The following CDK19 variants were observed in gnomAD, a reference collection of about 807,000 sequenced individuals.
CDK19 encodes the protein cyclin-dependent kinase 19.
In CDK19, 20 loss-of-function variants were observed where a neutral mutation model predicts 68.3. The observed-to-expected ratio is 0.29, with a 90% confidence interval of 0.21 to 0.43. The LOEUF (loss-of-function observed/expected upper bound fraction) is 0.43. Ranked by LOEUF, CDK19 falls within the 20% of genes least tolerant of loss-of-function variation. The pLI is 1.00. For missense variants in CDK19, 339 were observed against 623.5 expected, an observed-to-expected ratio of 0.54 and a Z score of 4.86; for synonymous variants, 221 against 222.8, an observed-to-expected ratio of 0.99 and a Z score of 0.07.
chr6:110,711,095 AT>A (rs1304350369), intron 2 of CDK19, among the ~76,000 whole-genome samples: 2 of 152,208 alleles, frequency 1.3e-5, no homozygotes, highest in Non-Finnish European at 2.9e-5. Flanking sequence ...GAGAAAAAAA[AT>A]TCAAGTACAC....
chr6:110,645,503 A>G (rs1780496847), intron 4 of CDK19, among the ~76,000 whole-genome samples: 1 of 152,226 alleles, frequency 6.6e-6, no homozygotes, highest in African/African-American at 2.4e-5. Context: ...TTTAAAAAAT[A>G]GAGAAAGAGA....
At chr6:110,784,777 CCA>C (rs1398580435) in intron 1 of CDK19, among the ~76,000 whole-genome samples, 7 of 152,222 alleles carry the variant, frequency 4.6e-5, no homozygotes, top group African/African-American at 1.4e-4. Flanking sequence ...CGTGATATAT[CCA>C]CACAGTCATC....
chr6:110,615,325 T>G (rs1778244296), intron 12 of CDK19, among the ~76,000 whole-genome samples: 1 of 152,182 alleles, frequency 6.6e-6, no homozygotes, highest in Non-Finnish European at 1.5e-5. Flanking sequence ...TTTATTACAT[T>G]AAATGAAACC....
intron 4 of CDK19, among the ~76,000 whole-genome samples, chr6:110,639,461 G>C (rs535586030): frequency 4.0e-4 from 61 of 152,172 alleles, no homozygotes; most frequent in African/African-American, 1.5e-3. Context: ...TGCATTTTTT[G>C]TATCTTCTAA....
At chr6:110,734,746 C>G (rs1160707344) in intron 2 of CDK19, among the ~76,000 whole-genome samples, 1 of 152,056 alleles carries the variant, frequency 6.6e-6, no homozygotes, top group African/African-American at 2.4e-5. Context: ...TTGTCACAGT[C>G]TTGATTATAC....
chr6:110,779,341 T>C (rs1053503126), intron 1 of CDK19, among the ~76,000 whole-genome samples: 4 of 152,174 alleles, frequency 2.6e-5, no homozygotes, highest in African/African-American at 9.6e-5. Flanking sequence ...GCTTTCCTGC[T>C]GCACTCACCC....
At chr6:110,627,847 C>T (rs1240622312) in intron 6 of CDK19, among the ~76,000 whole-genome samples, 2 of 152,208 alleles carry the variant, frequency 1.3e-5, no homozygotes, top group East Asian at 1.9e-4. Flanking sequence ...CTTTTAAAGC[C>T]ATCCAATGTA....
At chr6:110,790,710 A>G (rs1781531397) in intron 1 of CDK19, among the ~76,000 whole-genome samples, 1 of 152,142 alleles carries the variant, frequency 6.6e-6, no homozygotes. Context: ...ATCCCTCTAC[A>G]TATTTCTACT....
intron 1 of CDK19, among the ~76,000 whole-genome samples, chr6:110,788,504 T>C (rs1781390578): frequency 6.6e-6 from 1 of 152,168 alleles, no homozygotes; most frequent in Non-Finnish European, 1.5e-5. Context: ...TATCAAACCA[T>C]CCTTGGCTGC....
intron 4 of CDK19, among the ~76,000 whole-genome samples, chr6:110,640,231 CAAAAAAAA>C (rs59703376): frequency 7.4e-5 from 6 of 80,714 alleles, no homozygotes; most frequent in Admixed American, 1.7e-4. Context: ...GACCCTGTCA[CAAAAAAAA>C]AAAAAAAAAA....
intron 2 of CDK19, among the ~76,000 whole-genome samples, chr6:110,709,693 A>G (rs1562220149): frequency 6.6e-6 from 1 of 152,152 alleles, no homozygotes; most frequent in Non-Finnish European, 1.5e-5. Flanking sequence ...TTGCAAGATA[A>G]TAAATAACAA....
At chr6:110,801,779 G>A (rs1414339419) in intron 1 of CDK19, among the ~76,000 whole-genome samples, 2 of 152,108 alleles carry the variant, frequency 1.3e-5, no homozygotes, top group African/African-American at 4.8e-5. Flanking sequence ...CCAAAGTGCT[G>A]GGATTACAGG....
intron 2 of CDK19, among the ~76,000 whole-genome samples, chr6:110,716,636 T>C (rs1047085077): frequency 3.9e-5 from 6 of 152,180 alleles, no homozygotes; most frequent in African/African-American, 1.4e-4. Context: ...GTCCCAGGCT[T>C]TGAAAAATTC....
At chr6:110,694,190 T>C (rs754972700) in intron 2 of CDK19, among the ~76,000 whole-genome samples, 1 of 151,766 alleles carries the variant, frequency 6.6e-6, no homozygotes, top group African/African-American at 2.4e-5. Context: ...ACTTGAAAGA[T>C]ACAGGATGAC....
intron 3 of CDK19, among the ~76,000 whole-genome samples, chr6:110,668,460 A>G (rs968668493): frequency 2.0e-5 from 3 of 152,238 alleles, no homozygotes; most frequent in African/African-American, 4.8e-5. Flanking sequence ...ATAGAAAAAT[A>G]GAGTTTATAC....
chr6:110,640,799 TA>T (rs1244058918), intron 4 of CDK19, among the ~76,000 whole-genome samples: 1 of 151,492 alleles, frequency 6.6e-6, no homozygotes, highest in Non-Finnish European at 1.5e-5. Flanking sequence ...AAACATAAAT[TA>T]AAAAAAATTA....
chr6:110,642,773 CTG>C (rs146216772), intron 4 of CDK19, among the ~76,000 whole-genome samples: 1 of 150,674 alleles, frequency 6.6e-6, no homozygotes, highest in Non-Finnish European at 1.5e-5. Context: ...GGGAGAAACC[CTG>C]TCTTTGATAG....
At chr6:110,719,972 G>GCCCCCCCCCCCCCCCCCCCCCC (rs1167384607) in intron 2 of CDK19, among the ~76,000 whole-genome samples, 89 of 45,552 alleles carry the variant, frequency 2.0e-3, no homozygotes, top group African/African-American at 2.5e-3. Flanking sequence ...CTTGTGATCC[G>GCCCCCCCCCCCCCCCCCCCCCC]CCCCCCCCCC....
At chr6:110,679,922 T>G (rs1472422757) in intron 2 of CDK19, among the ~76,000 whole-genome samples, 1 of 152,222 alleles carries the variant, frequency 6.6e-6, no homozygotes, top group African/African-American at 2.4e-5. Context: ...TAGCACATAA[T>G]AAGCATTCAA....
Sources: gnomAD v4.1 joint callset for allele counts (sites outside exome capture counted in the v4.1 genomes callset) on GRCh38, gnomAD v4.1.1 for gene constraint, MANE v1.5 for transcripts, NCBI Gene and HGNC (gene_info 2026-07-23, HGNC 2026-07-21) for gene names.